Variants in SHPRH observed in about 807,000 individuals in gnomAD.
SHPRH encodes E3 ubiquitin-protein ligase SHPRH.
SHPRH carries 106 observed loss-of-function variants against 202.5 expected under a neutral mutation model. The observed-to-expected ratio is 0.52, with a 90% CI of 0.45 to 0.62. The LOEUF (loss-of-function observed/expected upper bound fraction) is 0.62, where lower values mean the gene tolerates loss of function less well. SHPRH is among the 20% of genes least tolerant of loss of function. The pLI is 0.00. For synonymous variants in SHPRH, 729 were observed against 686.0 expected, an observed-to-expected ratio of 1.06 and a Z score of -0.98; for missense variants, 1,710 against 2,020.0, an observed-to-expected ratio of 0.85 and a Z score of 2.94.
chr6:145,936,729 C>T (rs1167039582), intron 11 of SHPRH, among the ~76,000 whole-genome samples: 1 of 152,134 alleles, frequency 6.6e-6, no homozygotes, highest in East Asian at 1.9e-4. Context: ...CCTTCCCACA[C>T]CTACAACACT....
intron 26 of SHPRH, 37 bp downstream of exon 26, chr6:145,894,848 T>C (rs1781873921): frequency 6.3e-7 from 1 of 1,590,062 alleles, no homozygotes; most frequent in African/African-American, 1.3e-5. Flanking sequence ...GGAAAATCAG[T>C]TCGAATTAAT....
In SHPRH at chr6:145,918,243, T is replaced by G; in HGVS notation, c.4153-11A>C. ...TCGGTTTTGTTCTACCTAAAGAAAA[T>G]AAAAATAAAAACTTCTTTATTCTTT... On this transcript the variant is annotated splice_polypyrimidine_tract_variant and intron_variant, in intron 22 of 29. Coordinates refer to ENST00000275233, the MANE Select transcript of SHPRH (RefSeq NM_001042683.3). The G allele has an allele frequency of 6.7e-7, 1 of 1,497,624 alleles. No homozygotes were observed. The highest frequency in any genetic ancestry group is 8.9e-7 in the Non-Finnish European group (1 of 1,119,978). 92.8% of individuals were successfully genotyped at this position (1,497,624 alleles called of 1,614,324 possible).
At chr6:145,899,181 G>A (rs1782277510) in intron 25 of SHPRH, among the ~76,000 whole-genome samples, 1 of 151,926 alleles carries the variant, frequency 6.6e-6, no homozygotes, top group South Asian at 2.1e-4. Context: ...AACAGACAAA[G>A]AAAAATAGGA....
rs1562312997 is a variant in SHPRH, at chr6:145,913,480, G to C, written c.4324C>G (p.Gln1442Glu). 1 of 1,608,200 alleles carries C rather than the reference G, an allele frequency of 6.2e-7. No homozygotes were observed. The highest frequency in any genetic ancestry group is 1.7e-5 in the Admixed American group (1 of 59,254). ...CPICARQLGK[Q>E]WAVLTCGHCF... ...TGTGATGTTTATCATAATTTTACCT[G>C]TTTTCCTAGCTGTCGAGCACAGATT... is the stretch of plus-strand genomic sequence containing the variant. Residue 1442 changes from glutamine (Q) to glutamate (E), a missense_variant and splice_region_variant, in exon 24 of 30, where the codon CAG becomes GAG. Around this residue, in one of 8 missense-constraint regions of SHPRH, gnomAD observed 306 missense variants for 479.5 expected, o/e 0.64. Coordinates refer to ENST00000275233, the MANE Select transcript of SHPRH (RefSeq NM_001042683.3).
At chr6:145,883,483 A>G (rs914832596), downstream of SHPRH, 11 of 152,378 alleles carry the variant, frequency 7.2e-5, no homozygotes, top group Middle Eastern at 0.014. Context: ...CATACCTAGC[A>G]TAAGGCTTGA....
intron 17 of SHPRH, among the ~76,000 whole-genome samples, chr6:145,924,443 G>T (rs1352726707): frequency 1.3e-5 from 2 of 151,806 alleles, no homozygotes. Context: ...TAAAAAGGAG[G>T]TTATAGAAGT....
intron 25 of SHPRH, among the ~76,000 whole-genome samples, chr6:145,895,241 T>C (rs1310308207): frequency 6.6e-6 from 1 of 152,086 alleles, no homozygotes; most frequent in Middle Eastern, 3.2e-3. Flanking sequence ...ACCCTGAACA[T>C]AGGATCTTTT....
intron 25 of SHPRH, among the ~76,000 whole-genome samples, chr6:145,899,381 A>C (rs1426411560): frequency 6.6e-6 from 1 of 152,154 alleles, no homozygotes; most frequent in African/African-American, 2.4e-5. Flanking sequence ...CCCAGAAATA[A>C]ACCCACACAT....
chr6:145,897,273 A>G (rs1441521098), intron 25 of SHPRH, among the ~76,000 whole-genome samples: 2 of 152,072 alleles, frequency 1.3e-5, no homozygotes, highest in Admixed American at 1.3e-4. Flanking sequence ...TACGCCAAGA[A>G]ATCAGAAAAT....
At chr6:145,870,966 T>C (rs1405967440) in intron 2 of SHPRH, 3 of 152,338 alleles carry the variant, frequency 2.0e-5, no homozygotes, top group African/African-American at 7.2e-5. Flanking sequence ...CAAGATTATC[T>C]AAATAGATGC....
At chr6:145,894,585 C>T (rs1781850060) in intron 26 of SHPRH, among the ~76,000 whole-genome samples, 1 of 151,626 alleles carries the variant, frequency 6.6e-6, no homozygotes, top group African/African-American at 2.4e-5. Flanking sequence ...TCTTTTTCAA[C>T]CCAAATTTTT....
At chr6:145,922,447 CTAGA>C (rs1784507594) in intron 19 of SHPRH, 99 bp from the exon 20 acceptor site, 1 of 1,316,870 alleles carries the variant, frequency 7.6e-7, no homozygotes, top group Non-Finnish European at 1.0e-6. Flanking sequence ...TTTCTTTCCA[CTAGA>C]TATGCCATTT....
rs184866820 is a variant in SHPRH, at chr6:145,945,019, C to T, written c.1578+362G>A. On this transcript the variant is annotated intron_variant, in intron 8 of 29. Transcript: ENST00000275233. ...AGGCTGCAGCTAGCTATGACCACTGCATTCTAGCCAGGGCAATAGATGCCC... is the reference window on the plus strand; with the variant it reads ...AGGCTGCAGCTAGCTATGACCACTGTATTCTAGCCAGGGCAATAGATGCCC... Among the ~76,000 whole-genome samples the T allele has an allele frequency of 3.6e-3, 545 of 152,124 alleles. 4 individuals are homozygous for T. Among genetic ancestry groups the T allele is most frequent in the African/African-American group, 0.013 (520 of 41,532 alleles).
At chr6:145,938,498 A>T (rs1786365689) in intron 11 of SHPRH, among the ~76,000 whole-genome samples, 1 of 152,226 alleles carries the variant, frequency 6.6e-6, no homozygotes, top group Non-Finnish European at 1.5e-5. Context: ...AAATGAAATA[A>T]TAAATGCATC....
In SHPRH at chr6:145,873,725, G is replaced by GAGGA. The variant is rs1237173523; in HGVS notation, c.222-9235_222-9234insTCCT. ...GAAGGAAGGAAGGAAGGGAGGGAGG[G>GAGGA]AGGGAGGGAGGGAGGGAGAGGATGA... On this transcript the variant is annotated intron_variant, in intron 2 of 2. Transcript: ENST00000417762. Among the ~76,000 whole-genome samples, 264 of 142,158 alleles carry GAGGA rather than the reference G, an allele frequency of 1.9e-3. 4 individuals carry two copies. Among genetic ancestry groups the GAGGA allele is most frequent in the Admixed American group, 2.1e-3 (30 of 14,078 alleles). 93.3% of individuals were successfully genotyped at this position (142,158 alleles called of 152,430 possible). A position where few individuals can be genotyped will look rare whatever the true frequency, so the allele number is the denominator to read the frequency against.
rs201140871 is a variant in SHPRH, at chr6:145,945,548, T to G, written c.1411A>C (p.Ile471Leu). 2 of 1,613,216 alleles carry G rather than the reference T, an allele frequency of 1.2e-6. No homozygotes were observed. Among genetic ancestry groups the G allele is most frequent in the Non-Finnish European group, 1.7e-6 (2 of 1,179,562 alleles). ...ILSIYKYVSSIYRYDVQRNRS... is the reference protein window; with the variant it reads ...ILSIYKYVSSLYRYDVQRNRS... Reference sequence around the variant, plus strand: ...TTCCGTTGAACATCGTATCTATATATAGAACTGACATACTTATAGATGGAA... The same window carrying G: ...TTCCGTTGAACATCGTATCTATATAGAGAACTGACATACTTATAGATGGAA... Residue 471 changes from isoleucine to leucine, a missense_variant, in exon 8 of 30, where the codon ATA (isoleucine) becomes CTA (leucine). Around this residue, in one of 8 missense-constraint regions of SHPRH, gnomAD observed 348 missense variants for 356.9 expected, o/e 0.97. Coordinates refer to ENST00000275233, the MANE Select transcript of SHPRH (RefSeq NM_001042683.3).
rs772053155 is a variant in SHPRH at position 145,943,308 on chromosome 6, A to G, written c.2073T>C (p.Tyr691=). Residue 691 remains tyrosine (Y), a synonymous_variant, in exon 9 of 30, where the codon TAT becomes TAC. Transcript: ENST00000275233. ...GCTTGATCTTCAGATTTTTCTCATC[A>G]TAATTCACACACTTTGCATGTTGCC... is the stretch of plus-strand genomic sequence containing the variant. ...HLWQHAKCVN[Y]DEKNLKIKPF... is the part of the protein sequence containing the mutation. 4.3e-6 allele frequency: 7 copies of G among 1,613,762 alleles called. No homozygotes were observed. The highest frequency in any genetic ancestry group is 2.7e-5 in the African/African-American group (2 of 74,912).
At chr6:145,878,159 C>A in intron 2 of SHPRH, 1 of 152,122 alleles carries the variant, frequency 6.6e-6, no homozygotes, top group East Asian at 1.9e-4. Flanking sequence ...CTATTTTCTA[C>A]GAAAGTTTTA....
the SHPRH span, among the ~76,000 whole-genome samples, chr6:145,858,979 C>G: frequency 3.9e-5 from 6 of 151,922 alleles, no homozygotes; most frequent in Admixed American, 6.6e-5. Flanking sequence ...TCTCATTAGT[C>G]TGTATTTTTA....
Sources: gnomAD v4.1 joint callset for allele counts (sites outside exome capture counted in the v4.1 genomes callset) on GRCh38, gnomAD v4.1.1 for gene constraint, gnomAD v4.1.1 regional missense constraint, MANE v1.5 for transcripts, NCBI Gene and HGNC (gene_info 2026-07-23, HGNC 2026-07-21) for gene names.